Variants in PGBD2 observed in about 807,000 individuals in gnomAD.
The protein encoded by PGBD2 is piggyBac transposable element-derived protein 2.
In PGBD2, 6 loss-of-function variants were observed where a neutral mutation model predicts 8.1. The ratio of observed to expected loss-of-function variants is 0.74; its 90% CI spans 0.40 to 1.46. The LOEUF (loss-of-function observed/expected upper bound fraction) is 1.46, where lower values mean the gene tolerates loss of function less well. PGBD2 is among the 40% of genes most tolerant of loss of function. The pLI is 0.02. For missense variants in PGBD2, 802 were observed against 739.0 expected, an observed-to-expected ratio of 1.09 and a Z score of -0.99; for synonymous variants, 318 against 272.2, an observed-to-expected ratio of 1.17 and a Z score of -1.66.
chr1:248,883,584 C>CTTTTTT, the PGBD2 span, among the ~76,000 whole-genome samples: 29 of 89,140 alleles, frequency 3.3e-4, no homozygotes, highest in East Asian at 6.5e-4. Flanking sequence ...TTTTTTTTTT[C>CTTTTTT]TTTTTTTTTT....
chr1:248,910,917 GAT>G (rs1661848585), intron 1 of PGBD2, among the ~76,000 whole-genome samples: 1 of 151,954 alleles, frequency 6.6e-6, no homozygotes, highest in South Asian at 2.1e-4. Flanking sequence ...TGTGTAATTT[GAT>G]GAGTTTCGGC....
At chr1:248,927,200 A>G in the PGBD2 span, among the ~76,000 whole-genome samples, 3 of 152,170 alleles carry the variant, frequency 2.0e-5, no homozygotes, top group Admixed American at 6.5e-5. Flanking sequence ...AATGAAGAAG[A>G]GATTTGTCAT....
chr1:248,920,429 G>C (rs541933151), downstream of PGBD2, among the ~76,000 whole-genome samples: 1 of 152,238 alleles, frequency 6.6e-6, no homozygotes, highest in East Asian at 1.9e-4. Flanking sequence ...AGTTTGTTGA[G>C]AATGATGGTT....
chr1:248,917,733 C>T lies in PGBD2; in HGVS notation c.1149C>T (p.Pro383=). ...TVREYRTERC[P]LKDPKELKKM... is the part of the protein sequence containing the mutation. ...GTGAGTACAGGACTGAGCGATGTCC[C>T]CTAAAAGACCCCAAAGAACTGAAAA... is the stretch of plus-strand genomic sequence containing the variant. The change falls in exon 3 of 3, where the codon CCC becomes CCT. Residue 383 remains proline (P), a synonymous_variant. Transcript: ENST00000329291. 1.9e-6 allele frequency: 3 copies of T among 1,614,104 alleles called. No individual in the cohort carries two copies. The highest frequency in any genetic ancestry group is 8.5e-7 in the Non-Finnish European group (1 of 1,180,028).
At chr1:248,923,808 A>T (rs1662333049), downstream of PGBD2, among the ~76,000 whole-genome samples, 1 of 152,164 alleles carries the variant, frequency 6.6e-6, no homozygotes, top group African/African-American at 2.4e-5. Context: ...ATGGGAGGAG[A>T]ACAGGGCAGA....
the PGBD2 span, among the ~76,000 whole-genome samples, chr1:248,889,928 CTTT>C: frequency 3.7e-5 from 5 of 135,988 alleles, no homozygotes; most frequent in South Asian, 2.3e-4. Context: ...TTTTTCTTTT[CTTT>C]TTTTTTTTTT....
the PGBD2 span, among the ~76,000 whole-genome samples, chr1:248,873,885 G>A: frequency 1.3e-5 from 2 of 152,244 alleles, no homozygotes; most frequent in Non-Finnish European, 2.9e-5. Context: ...TAAGGCGCCA[G>A]ACTCAAGGTA....
In PGBD2 at chr1:248,917,581, A is replaced by C; in HGVS notation, c.997A>C (p.Lys333Gln). The C allele has an allele frequency of 6.2e-7, 1 of 1,614,176 alleles. No homozygotes were observed. Among genetic ancestry groups the C allele is most frequent in the Non-Finnish European group, 8.5e-7 (1 of 1,180,032 alleles). ...GGATCTAGGAGGCAGTATGGTAATA[A>C]AATTTGTGGATGCGCTTCAGGAGCG... ...SLDLGGSMVI[K>Q]FVDALQERGF... Residue 333 changes from lysine (K) to glutamine (Q), a missense_variant, in exon 3 of 3, where the codon AAA becomes CAA. By Grantham distance (53) the Lys-to-Gln change is moderately conservative. Transcript: ENST00000329291.
At chr1:248,892,601 C>G in the PGBD2 span, among the ~76,000 whole-genome samples, 1 of 152,142 alleles carries the variant, frequency 6.6e-6, no homozygotes, top group East Asian at 1.9e-4. Context: ...ATCTCTGGGA[C>G]TTAACTTCTC....
chr1:248,877,941 T>C, the PGBD2 span, among the ~76,000 whole-genome samples: 9 of 152,230 alleles, frequency 5.9e-5, no homozygotes, highest in African/African-American at 2.2e-4. Context: ...AGAATATTAA[T>C]GCAATGACTA....
At chr1:248,899,374 CA>C in the PGBD2 span, among the ~76,000 whole-genome samples, 1 of 152,024 alleles carries the variant, frequency 6.6e-6, no homozygotes, top group Non-Finnish European at 1.5e-5. Context: ...TCAGCAAATG[CA>C]AAAAACTGAA....
At chr1:248,895,764 T>C in the PGBD2 span, among the ~76,000 whole-genome samples, 1 of 151,976 alleles carries the variant, frequency 6.6e-6, no homozygotes, top group Non-Finnish European at 1.5e-5. Context: ...CTTGGCTCAC[T>C]GCAACTTCCG....
intron 1 of PGBD2, among the ~76,000 whole-genome samples, chr1:248,911,143 C>T (rs987205981): frequency 6.6e-6 from 1 of 151,046 alleles, no homozygotes; most frequent in African/African-American, 2.4e-5. Flanking sequence ...ATTTATTGAT[C>T]ATTCTTGGGT....
At chr1:248,928,977 C>T in the PGBD2 span, among the ~76,000 whole-genome samples, 4 of 152,244 alleles carry the variant, frequency 2.6e-5, no homozygotes, top group Admixed American at 6.5e-5. Flanking sequence ...ACCATCAGTT[C>T]TAACCTTCAA....
chr1:248,883,135 T>C, the PGBD2 span, among the ~76,000 whole-genome samples: 2 of 152,158 alleles, frequency 1.3e-5, no homozygotes, highest in Admixed American at 6.6e-5. Context: ...TTTTTGTTTG[T>C]TTTTTGAGAC....
chr1:248,915,924 G>A (rs148288678), intron 2 of PGBD2, among the ~76,000 whole-genome samples: 2 of 152,294 alleles, frequency 1.3e-5, no homozygotes, highest in East Asian at 3.9e-4. Context: ...TGAGTCTGAG[G>A]GGACAGGAGT....
chr1:248,913,804 C>G lies in PGBD2; in HGVS notation c.-47-12C>G, dbSNP rs1661994807. Reference sequence around the variant, plus strand: ...ACAATTTTTTTTTAAATTGACTTTTCTTGTCTTACAGGTTCTTAGACTCTG... The same window carrying G: ...ACAATTTTTTTTTAAATTGACTTTTGTTGTCTTACAGGTTCTTAGACTCTG... On this transcript the variant is annotated splice_polypyrimidine_tract_variant and intron_variant, in intron 1 of 2. Transcript: ENST00000329291. The G allele has an allele frequency of 2.1e-6, 3 of 1,413,422 alleles. No homozygotes were observed. 87.6% of individuals were successfully genotyped at this position (1,413,422 alleles called of 1,614,324 possible).
chr1:248,909,317 T>A (rs1241337808), intron 1 of PGBD2, among the ~76,000 whole-genome samples: 1 of 152,228 alleles, frequency 6.6e-6, no homozygotes, highest in African/African-American at 2.4e-5. Context: ...TCTGACCTGG[T>A]TGAGTCCACT....
At chr1:248,922,273 A>G (rs924249223), downstream of PGBD2, among the ~76,000 whole-genome samples, 1 of 151,934 alleles carries the variant, frequency 6.6e-6, no homozygotes, top group Non-Finnish European at 1.5e-5. Context: ...GTTAGCCAGG[A>G]TGGTCTGGAT....
Sources: gnomAD v4.1 joint callset for allele counts (sites outside exome capture counted in the v4.1 genomes callset) on GRCh38, gnomAD v4.1.1 for gene constraint, MANE v1.5 for transcripts, NCBI Gene and HGNC (gene_info 2026-07-23, HGNC 2026-07-21) for gene names.